The following VPS13D variants were observed in gnomAD, a reference collection of about 807,000 sequenced individuals.
VPS13D encodes intermembrane lipid transfer protein VPS13D.
Under a neutral mutation model 461.9 loss-of-function variants are expected in VPS13D, and 187 were observed. The ratio of observed to expected loss-of-function variants is 0.40; its 90% confidence interval spans 0.36 to 0.46. VPS13D has a LOEUF of 0.46. Ranked by LOEUF, VPS13D falls within the 20% of genes least tolerant of loss-of-function variation. The pLI is 0.60. For synonymous variants in VPS13D, 1,951 were observed against 1,986.3 expected, an observed-to-expected ratio of 0.98 and a Z score of 0.47; for missense variants, 4,711 against 5,364.9, an observed-to-expected ratio of 0.88 and a Z score of 3.81.
intron 60 of VPS13D, among the ~76,000 whole-genome samples, chr1:12,395,636 A>C (rs2101672114): frequency 6.6e-6 from 1 of 152,218 alleles, no homozygotes; most frequent in Admixed American, 6.5e-5. Context: ...TGTCCACTGA[A>C]CTTAGGAGCA....
rs535098411 is a variant in VPS13D at position 12,425,008 on chromosome 1, A to T, written c.12333+8181A>T. 1.3e-4 allele frequency among the ~76,000 whole-genome samples: 20 copies of T among 152,336 alleles called. 1 individual carries two copies. The highest frequency in any genetic ancestry group is 1.3e-3 in the Admixed American group (20 of 15,296). The stretch of plus-strand genomic sequence containing the variant: ...GCTGGTGACCCTTGGCATTGTGGTC[A>T]TGCATCCCTTTTCTGTGATTCAGTA... On this transcript the variant is annotated intron_variant, in intron 65 of 69. Coordinates refer to ENST00000620676, the MANE Select transcript of VPS13D (RefSeq NM_015378.4).
At chr1:12,353,920 A>AAAT (rs1239552831) in intron 46 of VPS13D, 54 bp from the exon 47 acceptor site, 1 of 1,568,816 alleles carries the variant, frequency 6.4e-7, no homozygotes. Flanking sequence ...TAAGGAGAAA[A>AAAT]AATTTAAGTT....
intron 63 of VPS13D, among the ~76,000 whole-genome samples, chr1:12,406,737 C>T (rs184640653): frequency 7.3e-4 from 111 of 152,240 alleles, no homozygotes; most frequent in Middle Eastern, 3.4e-3. Flanking sequence ...AGAAAGTGGC[C>T]GAGTGATACT....
chr1:12,284,518 CT>C (rs1317684748), intron 21 of VPS13D, among the ~76,000 whole-genome samples: 2 of 152,212 alleles, frequency 1.3e-5, no homozygotes, highest in African/African-American at 4.8e-5. Context: ...CTATTCTGCT[CT>C]GTGTGATAGA....
intron 8 of VPS13D, 146 bp downstream of exon 8, chr1:12,256,649 C>T (rs1466757142): frequency 2.3e-5 from 20 of 867,446 alleles, no homozygotes; most frequent in Middle Eastern, 3.5e-4. Flanking sequence ...GTATAAAACT[C>T]ACCGTCTGTT....
At chr1:12,469,398 A>T (rs1457314654) in intron 67 of VPS13D, among the ~76,000 whole-genome samples, 1 of 152,236 alleles carries the variant, frequency 6.6e-6, no homozygotes, top group Non-Finnish European at 1.5e-5. Context: ...GTAGAAGCAG[A>T]TAGGTGAATA....
intron 62 of VPS13D, among the ~76,000 whole-genome samples, chr1:12,402,951 C>T (rs1019818046): frequency 2.6e-5 from 4 of 152,188 alleles, no homozygotes; most frequent in Admixed American, 6.5e-5. Context: ...CCCTCAGGTC[C>T]ACAAGCCCAG....
At chr1:12,309,803 ATTTG>A (rs1642682283) in intron 27 of VPS13D, among the ~76,000 whole-genome samples, 2 of 150,790 alleles carry the variant, frequency 1.3e-5, no homozygotes, top group South Asian at 4.2e-4. Flanking sequence ...CAGGTTTATT[ATTTG>A]TATAGAGCAT....
chr1:12,303,808 C>G (rs1291888300), intron 25 of VPS13D, among the ~76,000 whole-genome samples: 1 of 152,202 alleles, frequency 6.6e-6, no homozygotes, highest in African/African-American at 2.4e-5. Flanking sequence ...CCCTGGGAAG[C>G]TTAAAAGTCA....
intron 16 of VPS13D, among the ~76,000 whole-genome samples, chr1:12,270,586 G>T (rs1280094900): frequency 6.6e-6 from 1 of 152,158 alleles, no homozygotes; most frequent in Non-Finnish European, 1.5e-5. Flanking sequence ...AGAAATTCTA[G>T]TAACTTAGGT....
intron 58 of VPS13D, among the ~76,000 whole-genome samples, chr1:12,384,583 C>T (rs1462201406): frequency 2.6e-5 from 4 of 152,098 alleles, no homozygotes; most frequent in Admixed American, 6.6e-5. Flanking sequence ...AATGAGCTCT[C>T]TGAGATAGTG....
At position 12,495,084 on chromosome 1, in the gene VPS13D, T is replaced by C. The variant is rs990658355; in HGVS notation, c.12663-2416T>C. ...CATGGGAGCCAAGCAGTAAATAACA[T>C]GTTTATCCACCTGGGATGGAAAGCA... is the stretch of plus-strand genomic sequence containing the variant. On this transcript the variant is annotated intron_variant, in intron 67 of 69. Transcript: ENST00000620676. The surrounding 1 kb of genome is among the most constrained non-coding windows in gnomAD (Gnocchi z 4.0). Among the ~76,000 whole-genome samples, 1 of 151,998 alleles carries C rather than the reference T, an allele frequency of 6.6e-6. No individual in the cohort carries two copies. The highest frequency in any genetic ancestry group is 2.4e-5 in the African/African-American group (1 of 41,376).
chr1:12,246,909 T>G lies in VPS13D; in HGVS notation c.447+2292T>G, dbSNP rs115366689. On this transcript the variant is annotated intron_variant, in intron 5 of 69. Coordinates refer to ENST00000620676, the MANE Select transcript of VPS13D (RefSeq NM_015378.4). ...GCTGGACATTTGGGTTGGTTCTCCT[T>G]TTTGCTATTACGAATAATATTGCTG... Among the ~76,000 whole-genome samples the G allele has an allele frequency of 6.2e-3, 948 of 152,330 alleles. 12 individuals carry two copies. The highest frequency in any genetic ancestry group is 0.021 in the African/African-American group (854 of 41,572).
intron 66 of VPS13D, among the ~76,000 whole-genome samples, chr1:12,459,467 T>G (rs536081016): frequency 1.3e-5 from 2 of 151,294 alleles, no homozygotes; most frequent in African/African-American, 4.8e-5. Context: ...GCCTTAGATA[T>G]CTTTCTTTTC....
At chr1:12,327,048 A>G (rs1185727267) in intron 35 of VPS13D, among the ~76,000 whole-genome samples, 4 of 152,214 alleles carry the variant, frequency 2.6e-5, no homozygotes, top group East Asian at 3.8e-4. Flanking sequence ...AATAATGTTT[A>G]TTACACTCCA....
At chr1:12,238,632 CTTT>C (rs757737137) in intron 2 of VPS13D, among the ~76,000 whole-genome samples, 25 of 132,192 alleles carry the variant, frequency 1.9e-4, no homozygotes, top group Admixed American at 1.5e-4. Flanking sequence ...AGCTGCTATT[CTTT>C]TTTTTTTTTT....
At position 12,314,157 on chromosome 1, in the gene VPS13D, C is replaced by T; in HGVS notation, c.6978C>T (p.Ser2326=). The T allele has an allele frequency of 6.2e-7, 1 of 1,614,062 alleles. No homozygotes were observed. The highest frequency in any genetic ancestry group is 1.1e-5 in the South Asian group (1 of 91,062). ...KKCKLLYESF[S]NQTKSINLVS... ...GCAAACTGCTCTATGAAAGTTTTTC[C>T]AACCAAACCAAGTCCATTAACTTGG... The change falls in exon 30 of 70, where the codon TCC becomes TCT. Residue 2326 remains serine (S), a synonymous_variant. Transcript: ENST00000620676.
rs780544057 is a variant in VPS13D at position 12,279,520 on chromosome 1, C to A, written c.4472C>A (p.Thr1491Asn). The A allele has an allele frequency of 5.6e-6, 9 of 1,604,426 alleles. No homozygotes were observed. The highest frequency in any genetic ancestry group is 2.7e-5 in the African/African-American group (2 of 74,824). Residue 1491 changes from threonine to asparagine, a missense_variant, in exon 20 of 70, where the codon ACC (threonine) becomes AAC (asparagine). Thr to Asn is a moderately conservative substitution (Grantham distance 65). Coordinates refer to ENST00000620676, the MANE Select transcript of VPS13D (RefSeq NM_015378.4). This position sits in a 1 kb window ranked among gnomAD's most constrained non-coding sequence, Gnocchi z 4.3. Reference protein sequence around the residue: ...RGQAFHILNNTTIQFKLEKIP... With the variant: ...RGQAFHILNNNTIQFKLEKIP... The stretch of plus-strand genomic sequence containing the variant: ...CCAGCTTTTCACATCCTGAACAACA[C>A]CACCATTCAGTTTAAACTGGAGAAG...
intron 2 of VPS13D, among the ~76,000 whole-genome samples, chr1:12,240,720 C>T (rs1053848382): frequency 6.9e-6 from 1 of 144,720 alleles, no homozygotes; most frequent in Admixed American, 7.0e-5. Context: ...ATTTTTTTTT[C>T]CCCTTATGTT....
Sources: allele counts gnomAD v4.1 joint callset (sites outside exome capture counted in the v4.1 genomes callset), GRCh38; gene constraint gnomAD v4.1.1; non-coding constraint Gnocchi (gnomAD v3.1); transcripts MANE v1.5; gene names NCBI Gene and HGNC (gene_info 2026-07-23, HGNC 2026-07-21).